Variants in SLC25A21 observed in about 807,000 individuals in gnomAD.
The protein encoded by SLC25A21 is mitochondrial 2-oxodicarboxylate carrier.
SLC25A21 carries 47 observed loss-of-function variants against 43.8 expected under a neutral mutation model. That is an observed-to-expected ratio of 1.07 (90% CI 0.85 to 1.37). The LOEUF (loss-of-function observed/expected upper bound fraction) is 1.37. SLC25A21 is among the 40% of genes most tolerant of loss of function. The pLI is 0.00. For synonymous variants in SLC25A21, 131 were observed against 121.3 expected, an observed-to-expected ratio of 1.08 and a Z score of -0.52; for missense variants, 352 against 350.2, an observed-to-expected ratio of 1.00 and a Z score of -0.04.
At chr14:37,123,551 A>G (rs1045680741) in intron 1 of SLC25A21, among the ~76,000 whole-genome samples, 6 of 152,240 alleles carry the variant, frequency 3.9e-5, no homozygotes, top group African/African-American at 1.4e-4. Flanking sequence ...AAGAACAATC[A>G]TATAGCCAAC....
At chr14:36,716,737 C>A (rs564895021) in intron 6 of SLC25A21, among the ~76,000 whole-genome samples, 1 of 152,232 alleles carries the variant, frequency 6.6e-6, no homozygotes, top group African/African-American at 2.4e-5. Context: ...ATACCTGGCT[C>A]TGATTAGCTC....
At chr14:37,003,466 G>C (rs1351792424) in intron 1 of SLC25A21, among the ~76,000 whole-genome samples, 1 of 152,168 alleles carries the variant, frequency 6.6e-6, no homozygotes, top group Non-Finnish European at 1.5e-5. Flanking sequence ...GCGGATAAGA[G>C]GGGGGGACTA....
At chr14:36,856,669 G>A (rs979319608) in intron 2 of SLC25A21, among the ~76,000 whole-genome samples, 13 of 152,298 alleles carry the variant, frequency 8.5e-5, no homozygotes, top group East Asian at 3.9e-4. Flanking sequence ...AGCTCCACCC[G>A]CCCTGGCACG....
intron 1 of SLC25A21, among the ~76,000 whole-genome samples, chr14:37,152,310 T>C (rs1963772076): frequency 1.3e-5 from 2 of 152,076 alleles, no homozygotes; most frequent in African/African-American, 4.8e-5. Context: ...AGGTCTGATA[T>C]TAGTTTCAAA....
chr14:37,132,278 G>C (rs753912829), intron 1 of SLC25A21, among the ~76,000 whole-genome samples: 12 of 152,058 alleles, frequency 7.9e-5, no homozygotes, highest in Non-Finnish European at 1.5e-4. Flanking sequence ...AGGAACTCTG[G>C]GGGGACACAT....
At chr14:37,005,890 G>T (rs1369673498) in intron 1 of SLC25A21, among the ~76,000 whole-genome samples, 1 of 152,130 alleles carries the variant, frequency 6.6e-6, no homozygotes, top group African/African-American at 2.4e-5. Flanking sequence ...ATAAAAAATA[G>T]AGCCCATTAT....
intron 3 of SLC25A21, among the ~76,000 whole-genome samples, chr14:36,767,140 G>A (rs945864898): frequency 2.0e-5 from 3 of 152,096 alleles, no homozygotes; most frequent in Admixed American, 1.3e-4. Flanking sequence ...TCTTGTGCTT[G>A]TTAATTTTCT....
At chr14:36,689,938 G>A (rs1415329940) in intron 7 of SLC25A21, among the ~76,000 whole-genome samples, 2 of 152,204 alleles carry the variant, frequency 1.3e-5, no homozygotes, top group Non-Finnish European at 2.9e-5. Flanking sequence ...GGCTCTGGCT[G>A]TGTTGGGAAG....
intron 3 of SLC25A21, among the ~76,000 whole-genome samples, chr14:36,781,410 C>T (rs1318164884): frequency 6.6e-6 from 1 of 152,072 alleles, no homozygotes; most frequent in Non-Finnish European, 1.5e-5. Context: ...CTTTTTACAT[C>T]TTGTGCTGTC....
intron 1 of SLC25A21, among the ~76,000 whole-genome samples, chr14:37,024,251 T>C (rs761507153): frequency 4.6e-5 from 7 of 152,092 alleles, no homozygotes; most frequent in Non-Finnish European, 8.8e-5. Flanking sequence ...GAGCCACCTG[T>C]TTAATACTGA....
intron 1 of SLC25A21, among the ~76,000 whole-genome samples, chr14:37,073,273 G>A (rs775325047): frequency 6.6e-6 from 1 of 152,198 alleles, no homozygotes; most frequent in Non-Finnish European, 1.5e-5. Context: ...TCCTTCCTTA[G>A]TCACTTTTTC....
At chr14:36,924,637 G>A (rs1421193390) in intron 1 of SLC25A21, among the ~76,000 whole-genome samples, 1 of 151,888 alleles carries the variant, frequency 6.6e-6, no homozygotes, top group Non-Finnish European at 1.5e-5. Flanking sequence ...TAACAAACCT[G>A]CACCTTGTGC....
At chr14:36,902,465 G>A (rs370959073) in intron 1 of SLC25A21, among the ~76,000 whole-genome samples, 324 of 148,760 alleles carry the variant, frequency 2.2e-3, no homozygotes, top group Middle Eastern at 0.014. Context: ...ACACACACAC[G>A]AACTCTGAAA....
At chr14:37,091,297 G>C (rs1962580369) in intron 1 of SLC25A21, among the ~76,000 whole-genome samples, 1 of 151,638 alleles carries the variant, frequency 6.6e-6, no homozygotes, top group African/African-American at 2.4e-5. Flanking sequence ...AGCTGGGTGT[G>C]GTAGCACACA....
At chr14:36,762,330 G>A (rs1886189418) in intron 3 of SLC25A21, among the ~76,000 whole-genome samples, 1 of 152,152 alleles carries the variant, frequency 6.6e-6, no homozygotes, top group Non-Finnish European at 1.5e-5. Context: ...TTTTTTGCAT[G>A]AGGAGACTGG....
At chr14:36,798,843 G>A (rs1217687516) in intron 3 of SLC25A21, among the ~76,000 whole-genome samples, 1 of 151,968 alleles carries the variant, frequency 6.6e-6, no homozygotes, top group Non-Finnish European at 1.5e-5. Flanking sequence ...ACAAAAGGAG[G>A]TGTTCATTTT....
At chr14:36,910,322 T>C (rs917555563) in intron 1 of SLC25A21, among the ~76,000 whole-genome samples, 4 of 152,096 alleles carry the variant, frequency 2.6e-5, no homozygotes, top group African/African-American at 9.7e-5. Context: ...CTAGGGGGTT[T>C]TGAGTGTCAA....
At chr14:37,083,141 C>T (rs924121333) in intron 1 of SLC25A21, among the ~76,000 whole-genome samples, 2 of 152,176 alleles carry the variant, frequency 1.3e-5, no homozygotes, top group Non-Finnish European at 2.9e-5. Flanking sequence ...AATGTAAGCT[C>T]TGAGAATAAA....
At chr14:37,031,316 G>C (rs1375606241) in intron 1 of SLC25A21, among the ~76,000 whole-genome samples, 3 of 152,076 alleles carry the variant, frequency 2.0e-5, no homozygotes, top group Admixed American at 2.0e-4. Context: ...TCCTCTTAAA[G>C]CCTTTCATGA....
Sources: allele counts gnomAD v4.1 joint callset (sites outside exome capture counted in the v4.1 genomes callset), GRCh38; gene constraint gnomAD v4.1.1; transcripts MANE v1.5; gene names NCBI Gene and HGNC (gene_info 2026-07-23, HGNC 2026-07-21).